The following NXPH2 variants were observed in gnomAD, a reference collection of about 807,000 sequenced individuals.
The protein encoded by NXPH2 is neurexophilin-2.
In NXPH2, 5 loss-of-function variants were observed where a neutral mutation model predicts 19.8. That is an observed-to-expected ratio of 0.25 (90% CI 0.13 to 0.53). The LOEUF is 0.53. Ranked by LOEUF, NXPH2 falls within the 20% of genes least tolerant of loss-of-function variation. The pLI is 0.96. For synonymous variants in NXPH2, 154 were observed against 127.4 expected (o/e 1.21, Z -1.41); for missense variants, 289 against 322.8 (o/e 0.90, Z 0.80).
At chr2:138,690,221 A>G (rs1192497313) in intron 1 of NXPH2, among the ~76,000 whole-genome samples, 1 of 151,148 alleles carries the variant, frequency 6.6e-6, no homozygotes, top group Non-Finnish European at 1.5e-5. Context: ...CCTCATTTTC[A>G]CTCTTGAATT....
At chr2:138,687,439 T>A (rs1291303504) in intron 1 of NXPH2, among the ~76,000 whole-genome samples, 2 of 152,206 alleles carry the variant, frequency 1.3e-5, no homozygotes, top group Non-Finnish European at 2.9e-5. Context: ...CTTTGTAGAT[T>A]CTGGATATTA....
chr2:138,705,057 C>T (rs1367441947), intron 1 of NXPH2, among the ~76,000 whole-genome samples: 1 of 152,070 alleles, frequency 6.6e-6, no homozygotes, highest in Non-Finnish European at 1.5e-5. Context: ...AAACTCCTGA[C>T]CTCAGGTGAT....
chr2:138,720,192 G>C (rs1169456675), intron 1 of NXPH2, among the ~76,000 whole-genome samples: 3 of 151,312 alleles, frequency 2.0e-5, no homozygotes, highest in African/African-American at 7.3e-5. Context: ...GAGGTCAATC[G>C]CCACCACTGG....
chr2:138,734,557 A>G (rs1558925171), intron 1 of NXPH2, among the ~76,000 whole-genome samples: 2 of 152,134 alleles, frequency 1.3e-5, no homozygotes, highest in Middle Eastern at 3.4e-3. Flanking sequence ...AAAAAGGAAT[A>G]CCTCCTTGTA....
intron 1 of NXPH2, among the ~76,000 whole-genome samples, chr2:138,755,877 G>A (rs956481746): frequency 3.3e-5 from 5 of 151,582 alleles, no homozygotes; most frequent in Admixed American, 3.3e-4. Context: ...TTCACATATA[G>A]ATCATGTACA....
intron 1 of NXPH2, among the ~76,000 whole-genome samples, chr2:138,753,912 A>T (rs1314733355): frequency 2.6e-5 from 4 of 151,952 alleles, no homozygotes; most frequent in Non-Finnish European, 4.4e-5. Flanking sequence ...AGTTTTACAG[A>T]CTCCACTCAT....
At chr2:138,721,124 A>G (rs1573966187) in intron 1 of NXPH2, among the ~76,000 whole-genome samples, 1 of 152,092 alleles carries the variant, frequency 6.6e-6, no homozygotes, top group Non-Finnish European at 1.5e-5. Flanking sequence ...GGTGGATCAC[A>G]AGGTCAGGAG....
intron 1 of NXPH2, among the ~76,000 whole-genome samples, chr2:138,733,430 T>G (rs1207084196): frequency 6.6e-6 from 1 of 152,146 alleles, no homozygotes; most frequent in Non-Finnish European, 1.5e-5. Flanking sequence ...ATTAACCAAG[T>G]CTTCAAGTGA....
intron 1 of NXPH2, among the ~76,000 whole-genome samples, chr2:138,683,164 TC>T (rs1680602505): frequency 6.6e-6 from 1 of 152,156 alleles, no homozygotes; most frequent in Non-Finnish European, 1.5e-5. Flanking sequence ...AACAAGGTAT[TC>T]TTTTGATAAT....
chr2:138,681,857 T>C (rs1432290650), intron 1 of NXPH2, among the ~76,000 whole-genome samples: 1 of 152,188 alleles, frequency 6.6e-6, no homozygotes, highest in Non-Finnish European at 1.5e-5. Flanking sequence ...AATGGACTTG[T>C]TCATGGTGTT....
chr2:138,671,778 G>C (rs771143706), intron 1 of NXPH2, 113 bp from the exon 2 acceptor site: 18 of 1,119,310 alleles, frequency 1.6e-5, no homozygotes, highest in Admixed American at 3.2e-5. Context: ...ATTCTTGTTC[G>C]ACAGCATTTC....
intron 1 of NXPH2, among the ~76,000 whole-genome samples, chr2:138,753,893 C>A (rs981572512): frequency 3.3e-5 from 5 of 152,176 alleles, no homozygotes; most frequent in African/African-American, 1.2e-4. Context: ...TATACAGTTT[C>A]TTGCTGTTAG....
chr2:138,707,094 C>CAAAAAAAAAA (rs70982073), intron 1 of NXPH2, among the ~76,000 whole-genome samples: 3,349 of 34,746 alleles, frequency 0.096, 541 homozygotes, highest in Non-Finnish European at 0.13. Context: ...TGCCCCATGA[C>CAAAAAAAAAA]AAAAAAAAAA....
At chr2:138,725,845 GGTAAGAA>G (rs1373665746) in intron 1 of NXPH2, among the ~76,000 whole-genome samples, 3 of 152,118 alleles carry the variant, frequency 2.0e-5, no homozygotes, top group African/African-American at 7.2e-5. Context: ...CAAATGCATA[GGTAAGAA>G]GTATTATCAT....
intron 1 of NXPH2, among the ~76,000 whole-genome samples, chr2:138,688,324 C>T (rs1007523314): frequency 2.6e-5 from 4 of 152,204 alleles, no homozygotes; most frequent in Non-Finnish European, 4.4e-5. Flanking sequence ...GCTGGGATTA[C>T]AGGCACGTGC....
chr2:138,741,397 C>A (rs1182157550), intron 1 of NXPH2, among the ~76,000 whole-genome samples: 3 of 152,156 alleles, frequency 2.0e-5, no homozygotes, highest in African/African-American at 7.2e-5. Flanking sequence ...TTGAGAGCTC[C>A]TGTGGCTGAC....
chr2:138,718,958 G>A (rs1362835973), intron 1 of NXPH2, among the ~76,000 whole-genome samples: 3 of 152,080 alleles, frequency 2.0e-5, no homozygotes, highest in Non-Finnish European at 4.4e-5. Context: ...ACTTGCTAAA[G>A]TTGGGGGGTG....
At chr2:138,770,716 G>T (rs1019096750) in intron 1 of NXPH2, among the ~76,000 whole-genome samples, 1 of 151,840 alleles carries the variant, frequency 6.6e-6, no homozygotes, top group Non-Finnish European at 1.5e-5. Context: ...CCATAAAAAA[G>T]ATATCCATAA....
rs537312896 is a variant in NXPH2 at position 138,670,780 on chromosome 2, T to G, written c.*142A>C. 1 of 859,428 alleles carries G rather than the reference T, an allele frequency of 1.2e-6. No individual in the cohort carries two copies. The highest frequency in any genetic ancestry group is 1.7e-5 in the African/African-American group (1 of 58,706). The allele number at this position is 859,428 out of a possible 1,614,324, so 53.2% of individuals were successfully genotyped here. A position where few individuals can be genotyped will look rare whatever the true frequency, so the allele number is the denominator to read the frequency against. On this transcript the variant is annotated 3_prime_UTR_variant, in exon 2 of 2. Coordinates refer to ENST00000272641, the MANE Select transcript of NXPH2 (RefSeq NM_007226.3). ...ACACTTAAAGATGTCTCTTTTTCTT[T>G]TTTTAAATTTGAAAACCTGATAGGG...
Sources: gnomAD v4.1 joint callset for allele counts (sites outside exome capture counted in the v4.1 genomes callset) on GRCh38, gnomAD v4.1.1 for gene constraint, MANE v1.5 for transcripts, NCBI Gene and HGNC (gene_info 2026-07-23, HGNC 2026-07-21) for gene names.